The following ZNF804A variants were observed in gnomAD, a reference collection of about 807,000 sequenced individuals.
The protein encoded by ZNF804A is zinc finger protein 804A.
ZNF804A carries 2 observed loss-of-function variants against 16.5 expected under a neutral mutation model. That is an observed-to-expected ratio of 0.12 (90% CI 0.05 to 0.38). The LOEUF (loss-of-function observed/expected upper bound fraction) is 0.38, where lower values mean the gene tolerates loss of function less well. Among genes scored for constraint, ZNF804A ranks in the 10% least tolerant of loss-of-function variants. The pLI is 0.99. For missense variants in ZNF804A, 1,473 were observed against 1,390.7 expected, an observed-to-expected ratio of 1.06 and a Z score of -0.94; for synonymous variants, 534 against 489.6, an observed-to-expected ratio of 1.09 and a Z score of -1.20.
chr2:184,844,602 CT>C (rs879612264), intron 1 of ZNF804A, among the ~76,000 whole-genome samples: 219 of 146,168 alleles, frequency 1.5e-3, no homozygotes, highest in African/African-American at 4.0e-3. Context: ...ATAGGTAACA[CT>C]TTTTTTTTTT....
intron 1 of ZNF804A, among the ~76,000 whole-genome samples, chr2:184,701,050 C>T (rs565915130): frequency 6.6e-6 from 1 of 151,942 alleles, no homozygotes; most frequent in Admixed American, 6.5e-5. Context: ...TGGCAAAGGA[C>T]ACCACATCAC....
chr2:184,671,054 T>C (rs937727035), intron 1 of ZNF804A, among the ~76,000 whole-genome samples: 3 of 152,166 alleles, frequency 2.0e-5, no homozygotes, highest in African/African-American at 4.8e-5. Flanking sequence ...GTAGTAATTA[T>C]GGATGTAGAA....
At chr2:184,645,349 T>A (rs956832971) in intron 1 of ZNF804A, among the ~76,000 whole-genome samples, 1 of 152,110 alleles carries the variant, frequency 6.6e-6, no homozygotes, top group Non-Finnish European at 1.5e-5. Flanking sequence ...ATATTGAAAA[T>A]GTCTACAGTA....
At chr2:184,646,064 G>C (rs1021842013) in intron 1 of ZNF804A, among the ~76,000 whole-genome samples, 45 of 152,146 alleles carry the variant, frequency 3.0e-4, no homozygotes, top group African/African-American at 1.0e-3. Context: ...TATTTTCCCA[G>C]ACCCAAGACT....
intron 1 of ZNF804A, 127 bp from the exon 2 acceptor site, chr2:184,866,242 G>T: frequency 2.7e-6 from 2 of 738,412 alleles, no homozygotes; most frequent in Non-Finnish European, 4.1e-6. Flanking sequence ...TCTAGTATTT[G>T]CTTTCTTTTT....
intron 1 of ZNF804A, among the ~76,000 whole-genome samples, chr2:184,821,792 G>A (rs980958192): frequency 5.3e-5 from 8 of 151,920 alleles, no homozygotes; most frequent in Non-Finnish European, 7.4e-5. Flanking sequence ...ACATTTATGC[G>A]GCCAACAAAC....
intron 1 of ZNF804A, among the ~76,000 whole-genome samples, chr2:184,824,623 A>G (rs949727445): frequency 2.6e-5 from 4 of 152,122 alleles, no homozygotes; most frequent in Non-Finnish European, 4.4e-5. Context: ...AGAACAAACT[A>G]TCTCATATTT....
chr2:184,916,204 G>A (rs934199143), intron 2 of ZNF804A, among the ~76,000 whole-genome samples: 4 of 152,002 alleles, frequency 2.6e-5, no homozygotes, highest in Admixed American at 6.6e-5. Context: ...TTAAGCCTAT[G>A]GAAACAGTAA....
At chr2:184,896,869 T>C (rs951891277) in intron 2 of ZNF804A, among the ~76,000 whole-genome samples, 18 of 152,104 alleles carry the variant, frequency 1.2e-4, no homozygotes, top group African/African-American at 4.3e-4. Flanking sequence ...AGTTATCTTC[T>C]ATTCCTTTTG....
intron 2 of ZNF804A, among the ~76,000 whole-genome samples, chr2:184,931,474 C>T (rs900300543): frequency 2.6e-5 from 4 of 152,194 alleles, no homozygotes; most frequent in Non-Finnish European, 4.4e-5. Flanking sequence ...TTCGGGCTTG[C>T]ACCCTCTGAA....
intron 1 of ZNF804A, among the ~76,000 whole-genome samples, chr2:184,773,303 A>C (rs1345030831): frequency 6.6e-6 from 1 of 151,708 alleles, no homozygotes; most frequent in East Asian, 2.0e-4. Flanking sequence ...CTCTCCAACC[A>C]ATACCTGTAT....
chr2:184,778,557 C>A (rs1308731772), intron 1 of ZNF804A, among the ~76,000 whole-genome samples: 1 of 151,594 alleles, frequency 6.6e-6, no homozygotes, highest in Non-Finnish European at 1.5e-5. Context: ...ATAATCCTGA[C>A]ACAATTTACT....
intron 1 of ZNF804A, among the ~76,000 whole-genome samples, chr2:184,798,652 G>T (rs948342088): frequency 7.2e-5 from 11 of 151,894 alleles, no homozygotes; most frequent in African/African-American, 2.7e-4. Flanking sequence ...TTATATTTTG[G>T]TTTTCCTTGC....
chr2:184,836,973 G>T (rs1426469462), intron 1 of ZNF804A, among the ~76,000 whole-genome samples: 1 of 151,396 alleles, frequency 6.6e-6, no homozygotes, highest in Non-Finnish European at 1.5e-5. Context: ...TTGTGACTAT[G>T]TACATGGTGT....
At chr2:184,768,645 T>G (rs1250019374) in intron 1 of ZNF804A, among the ~76,000 whole-genome samples, 1 of 152,062 alleles carries the variant, frequency 6.6e-6, no homozygotes, top group Non-Finnish European at 1.5e-5. Flanking sequence ...GTTTCTGGTC[T>G]AGGGACCACA....
At chr2:184,799,763 C>T (rs963359751) in intron 1 of ZNF804A, among the ~76,000 whole-genome samples, 1 of 152,024 alleles carries the variant, frequency 6.6e-6, no homozygotes, top group South Asian at 2.1e-4. Flanking sequence ...AGGCTGGTCT[C>T]GAACTCCTGA....
chr2:184,602,361 TA>T (rs1691063500), intron 1 of ZNF804A, among the ~76,000 whole-genome samples: 1 of 151,922 alleles, frequency 6.6e-6, no homozygotes, highest in Non-Finnish European at 1.5e-5. Flanking sequence ...GAACAAGAAA[TA>T]AGTGAATATT....
At chr2:184,815,292 A>G (rs1023904904) in intron 1 of ZNF804A, among the ~76,000 whole-genome samples, 2 of 151,978 alleles carry the variant, frequency 1.3e-5, no homozygotes, top group Admixed American at 6.6e-5. Flanking sequence ...AGGTTTTGCA[A>G]TCTAATATTT....
intron 1 of ZNF804A, among the ~76,000 whole-genome samples, chr2:184,680,369 C>T (rs1208314447): frequency 2.0e-5 from 3 of 152,164 alleles, no homozygotes; most frequent in African/African-American, 7.2e-5. Flanking sequence ...GAGGTCTTGC[C>T]TGTGGAGAGG....
Sources: allele counts gnomAD v4.1 joint callset (sites outside exome capture counted in the v4.1 genomes callset), GRCh38; gene constraint gnomAD v4.1.1; transcripts MANE v1.5; gene names NCBI Gene and HGNC (gene_info 2026-07-23, HGNC 2026-07-21).